The following FBXL7 variants were observed in gnomAD, a reference collection of about 807,000 sequenced individuals.
FBXL7 encodes F-box and leucine rich repeat protein 7.
Under a neutral mutation model 38.3 loss-of-function variants are expected in FBXL7, and 12 were observed. That is an observed-to-expected ratio of 0.31 (90% CI 0.20 to 0.51). FBXL7 has a LOEUF of 0.51. Among genes scored for constraint, FBXL7 ranks in the 20% least tolerant of loss-of-function variants. FBXL7 has a pLI of 0.98. For missense variants in FBXL7, 567 were observed against 676.4 expected (o/e 0.84, Z 1.79); for synonymous variants, 297 against 300.9 (o/e 0.99, Z 0.13).
At chr5:15,671,400 A>G (rs1043268442) in intron 2 of FBXL7, among the ~76,000 whole-genome samples, 1 of 149,576 alleles carries the variant, frequency 6.7e-6, no homozygotes, top group African/African-American at 2.6e-5. Context: ...GGCCTCTGCT[A>G]TGATAGGTAA....
At chr5:15,815,889 A>G (rs552194391) in intron 2 of FBXL7, among the ~76,000 whole-genome samples, 5 of 152,294 alleles carry the variant, frequency 3.3e-5, no homozygotes, top group African/African-American at 9.6e-5. Context: ...CTGTCTGGAA[A>G]GAGCTATGAA....
chr5:15,633,756 AT>A (rs1364325347), intron 2 of FBXL7, among the ~76,000 whole-genome samples: 1 of 145,744 alleles, frequency 6.9e-6, no homozygotes, highest in East Asian at 2.0e-4. Context: ...TATTATTATT[AT>A]TATTATTATT....
At chr5:15,519,477 A>G (rs183006358) in intron 1 of FBXL7, among the ~76,000 whole-genome samples, 1 of 152,122 alleles carries the variant, frequency 6.6e-6, no homozygotes, top group Non-Finnish European at 1.5e-5. Flanking sequence ...AACAAAAAAA[A>G]CTTGTTGAAA....
chr5:15,773,710 G>A (rs1032074189), intron 2 of FBXL7, among the ~76,000 whole-genome samples: 16 of 152,080 alleles, frequency 1.1e-4, no homozygotes, highest in African/African-American at 3.6e-4. Flanking sequence ...TGGCCTAGAT[G>A]CAATCTACAG....
intron 2 of FBXL7, among the ~76,000 whole-genome samples, chr5:15,642,261 A>AT (rs1351401456): frequency 6.6e-6 from 1 of 152,020 alleles, no homozygotes; most frequent in Admixed American, 6.6e-5. Context: ...CTTCTTATGT[A>AT]TTTTTCCAAT....
intron 1 of FBXL7, among the ~76,000 whole-genome samples, chr5:15,552,872 A>G (rs1738120962): frequency 6.6e-6 from 1 of 152,190 alleles, no homozygotes; most frequent in South Asian, 2.1e-4. Flanking sequence ...TCACGAGGTC[A>G]AGAGATGGAG....
intron 1 of FBXL7, among the ~76,000 whole-genome samples, chr5:15,526,370 C>T (rs1211911483): frequency 1.3e-5 from 2 of 152,134 alleles, no homozygotes; most frequent in Non-Finnish European, 2.9e-5. Flanking sequence ...GATTCTGTGT[C>T]AGGGTAGCTC....
intron 2 of FBXL7, among the ~76,000 whole-genome samples, chr5:15,841,708 G>A (rs1487921661): frequency 6.6e-6 from 1 of 152,194 alleles, no homozygotes; most frequent in African/African-American, 2.4e-5. Context: ...GTGCAGCCTA[G>A]GGACTTGGTG....
rs1166555250 is a variant in FBXL7, at chr5:15,936,347, G to C, written c.740-103G>C. On this transcript the variant is annotated intron_variant, in intron 3 of 3. Transcript: ENST00000504595. This position sits in a 1 kb window ranked among gnomAD's most constrained non-coding sequence, Gnocchi z 6.0. The stretch of plus-strand genomic sequence containing the variant: ...GACAGGAAAGGGTAACATCAGCCTC[G>C]GACCCAGACTTGGGCGAGGGTCAGG... 2 of 1,407,148 alleles carry C rather than the reference G, an allele frequency of 1.4e-6. No individual in the cohort carries two copies. Among genetic ancestry groups the C allele is most frequent in the Admixed American group, 4.6e-5 (2 of 43,106 alleles). The allele number at this position is 1,407,148 out of a possible 1,614,324, so 87.2% of individuals were successfully genotyped here.
At chr5:15,839,139 C>T (rs1354807464) in intron 2 of FBXL7, among the ~76,000 whole-genome samples, 1 of 150,100 alleles carries the variant, frequency 6.7e-6, no homozygotes, top group East Asian at 2.0e-4. Context: ...TACTTAGATT[C>T]TGAGTACTAA....
intron 2 of FBXL7, among the ~76,000 whole-genome samples, chr5:15,857,319 T>C (rs769581647): frequency 5.9e-5 from 9 of 152,178 alleles, no homozygotes; most frequent in Non-Finnish European, 1.2e-4. Flanking sequence ...GTTCTAATTT[T>C]AAACTCATTT....
At chr5:15,820,057 A>G (rs1204866374) in intron 2 of FBXL7, among the ~76,000 whole-genome samples, 4 of 152,220 alleles carry the variant, frequency 2.6e-5, no homozygotes, top group African/African-American at 9.6e-5. Flanking sequence ...GGGAAAAGAA[A>G]TATGAGGATT....
chr5:15,556,386 C>G (rs1738239692), intron 1 of FBXL7, among the ~76,000 whole-genome samples: 1 of 152,132 alleles, frequency 6.6e-6, no homozygotes, highest in South Asian at 2.1e-4. Context: ...GGCCCTCCCC[C>G]AGTTGGATGG....
At chr5:15,706,346 C>T (rs1743680032) in intron 2 of FBXL7, among the ~76,000 whole-genome samples, 1 of 152,124 alleles carries the variant, frequency 6.6e-6, no homozygotes, top group African/African-American at 2.4e-5. Context: ...GATGTGCCTT[C>T]TCCCCCTTTG....
At chr5:15,531,036 A>G (rs1311054362) in intron 1 of FBXL7, among the ~76,000 whole-genome samples, 4 of 152,262 alleles carry the variant, frequency 2.6e-5, no homozygotes, top group Non-Finnish European at 5.9e-5. Context: ...GTAGATCTAT[A>G]GAACATACAC....
At position 15,552,644 on chromosome 5, in the gene FBXL7, C is replaced by T. The variant is rs149673387; in HGVS notation, c.37+51931C>T. Among the ~76,000 whole-genome samples, 414 of 152,322 alleles carry T rather than the reference C, an allele frequency of 2.7e-3. 5 individuals carry two copies. Among genetic ancestry groups the T allele is most frequent in the African/African-American group, 9.5e-3 (393 of 41,574 alleles). ...CCTGGGCTATTGCAGCCACCTTCTG[C>T]CTGATCCACCCATCTCCACTCTTGC... On this transcript the variant is annotated intron_variant, in intron 1 of 3. Transcript: ENST00000504595.
At position 15,937,345 on chromosome 5, in the gene FBXL7, C is replaced by A; in HGVS notation, c.*159C>A. The A allele has an allele frequency of 2.2e-6, 2 of 895,800 alleles. No homozygotes were observed. Among genetic ancestry groups the A allele is most frequent in the Non-Finnish European group, 3.3e-6 (2 of 612,560 alleles). The allele number at this position is 895,800 out of a possible 1,614,324, so 55.5% of individuals were successfully genotyped here. On this transcript the variant is annotated 3_prime_UTR_variant, in exon 4 of 4. Transcript: ENST00000504595. ...TTTATTTTTCCTCATTTCTCATGGG[C>A]AACAGAGGCCAAAGAAACGAAGCAA... is the stretch of plus-strand genomic sequence containing the variant.
At chr5:15,884,087 G>C (rs1216723246) in intron 2 of FBXL7, among the ~76,000 whole-genome samples, 1 of 152,126 alleles carries the variant, frequency 6.6e-6, no homozygotes, top group Non-Finnish European at 1.5e-5. Context: ...CAAGATCAAA[G>C]TACCAGCAAG....
At chr5:15,645,644 C>G (rs772656135) in intron 2 of FBXL7, among the ~76,000 whole-genome samples, 1 of 152,168 alleles carries the variant, frequency 6.6e-6, no homozygotes, top group African/African-American at 2.4e-5. Context: ...AATAAACTTT[C>G]TGAATTAACT....
Sources: gnomAD v4.1 joint callset for allele counts (sites outside exome capture counted in the v4.1 genomes callset) on GRCh38, gnomAD v4.1.1 for gene constraint, Gnocchi (gnomAD v3.1) non-coding constraint, MANE v1.5 for transcripts, NCBI Gene and HGNC (gene_info 2026-07-23, HGNC 2026-07-21) for gene names.